Variants in ATP2B2 observed in about 807,000 individuals in gnomAD.
ATP2B2 encodes the protein plasma membrane calcium-transporting ATPase 2.
In ATP2B2, 15 loss-of-function variants were observed where a neutral mutation model predicts 120.0. That is an observed-to-expected ratio of 0.12 (90% CI 0.08 to 0.19). The LOEUF (loss-of-function observed/expected upper bound fraction) is 0.19, where lower values mean the gene tolerates loss of function less well. ATP2B2 is among the 10% of genes least tolerant of loss of function. The pLI is 1.00. For missense variants in ATP2B2, 1,045 were observed against 1,719.8 expected (o/e 0.61, Z 6.94); for synonymous variants, 694 against 700.3 (o/e 0.99, Z 0.14).
chr3:10,696,830 T>C (rs188635520), intron 1 of ATP2B2, among the ~76,000 whole-genome samples: 1 of 152,282 alleles, frequency 6.6e-6, no homozygotes, highest in East Asian at 1.9e-4. Context: ...GTGGAGGTGG[T>C]AACCAAGATA....
chr3:10,476,984 T>A (rs1201035241), intron 1 of ATP2B2, among the ~76,000 whole-genome samples: 1 of 152,192 alleles, frequency 6.6e-6, no homozygotes, highest in Non-Finnish European at 1.5e-5. Flanking sequence ...TAGAAGCCAC[T>A]CAAAGTCACT....
At chr3:10,357,211 C>T (rs1257248635) in intron 14 of ATP2B2, among the ~76,000 whole-genome samples, 2 of 152,112 alleles carry the variant, frequency 1.3e-5, no homozygotes, top group African/African-American at 4.8e-5. Context: ...AGATACTCTG[C>T]TTGTTGCTCG....
At chr3:10,660,835 G>A (rs1373260865) in intron 1 of ATP2B2, among the ~76,000 whole-genome samples, 1 of 152,170 alleles carries the variant, frequency 6.6e-6, no homozygotes, top group African/African-American at 2.4e-5. Context: ...GAACATTGAT[G>A]CAAAAATCCT....
In ATP2B2 at chr3:10,368,115, G is replaced by A. The variant is rs188035382; in HGVS notation, c.1659+3694C>T. On this transcript the variant is annotated intron_variant, in intron 12 of 22. Coordinates refer to ENST00000360273, the MANE Select transcript of ATP2B2 (RefSeq NM_001001331.4). ...CTTCCCATTTCTCAGAGTAAACTGA[G>A]GGGGCTGAACTAGGTGGTCTCTACG... Among the ~76,000 whole-genome samples, 358 of 152,340 alleles carry A rather than the reference G, an allele frequency of 2.4e-3. 2 individuals are homozygous for A. Among genetic ancestry groups the A allele is most frequent in the Admixed American group, 0.014 (211 of 15,312 alleles).
chr3:10,341,592 T>G (rs2060279845), intron 19 of ATP2B2, among the ~76,000 whole-genome samples: 1 of 152,212 alleles, frequency 6.6e-6, no homozygotes, highest in Admixed American at 6.5e-5. Flanking sequence ...ATTACAGGCA[T>G]GAGCCACTGC....
chr3:10,484,354 C>T (rs1202855954), intron 1 of ATP2B2, among the ~76,000 whole-genome samples: 1 of 152,124 alleles, frequency 6.6e-6, no homozygotes, highest in Non-Finnish European at 1.5e-5. Flanking sequence ...CTCCCGTGGG[C>T]ACAGGCTCCT....
At chr3:10,701,866 G>C (rs916411181) in intron 1 of ATP2B2, among the ~76,000 whole-genome samples, 3 of 151,964 alleles carry the variant, frequency 2.0e-5, no homozygotes, top group African/African-American at 7.3e-5. Context: ...GCCTACGTCT[G>C]AGCATACAAA....
At chr3:10,532,199 G>T (rs1200798714) in intron 3 of ATP2B2, among the ~76,000 whole-genome samples, 1 of 152,124 alleles carries the variant, frequency 6.6e-6, no homozygotes, top group Non-Finnish European at 1.5e-5. Flanking sequence ...CTTGGGCCCT[G>T]TTCATCCCTC....
chr3:10,331,269 G>T (rs552610871), intron 22 of ATP2B2, among the ~76,000 whole-genome samples: 1 of 152,194 alleles, frequency 6.6e-6, no homozygotes, highest in Non-Finnish European at 1.5e-5. Flanking sequence ...AAAGTGAGCC[G>T]TTACACCTTG....
At chr3:10,492,762 A>C (rs1331078626) in intron 1 of ATP2B2, among the ~76,000 whole-genome samples, 3 of 152,088 alleles carry the variant, frequency 2.0e-5, no homozygotes, top group Non-Finnish European at 4.4e-5. Context: ...CAACCTCTCC[A>C]CTGTCATTTC....
At chr3:10,350,675 T>A in intron 14 of ATP2B2, 98 bp from the exon 15 acceptor site, 1 of 1,324,392 alleles carries the variant, frequency 7.6e-7, no homozygotes, top group Non-Finnish European at 1.1e-6. Context: ...CAGGCAGCTC[T>A]ACTGAAAGGG....
chr3:10,629,075 C>T (rs2069789480), intron 1 of ATP2B2, among the ~76,000 whole-genome samples: 1 of 152,194 alleles, frequency 6.6e-6, no homozygotes, highest in Non-Finnish European at 1.5e-5. Context: ...GCCGGGCCTT[C>T]TGGGCTGAGG....
chr3:10,470,038 G>A (rs2125275518), intron 1 of ATP2B2, among the ~76,000 whole-genome samples: 1 of 152,258 alleles, frequency 6.6e-6, no homozygotes, highest in East Asian at 1.9e-4. Context: ...GCAGATCTCA[G>A]CGCTGGGCAG....
At chr3:10,439,141 T>C (rs1473180719) in intron 2 of ATP2B2, among the ~76,000 whole-genome samples, 3 of 152,288 alleles carry the variant, frequency 2.0e-5, no homozygotes, top group African/African-American at 7.2e-5. Context: ...AATTTTCAAG[T>C]GAAGAGAGGC....
intron 1 of ATP2B2, among the ~76,000 whole-genome samples, chr3:10,695,603 T>A (rs1027302739): frequency 6.6e-6 from 1 of 152,082 alleles, no homozygotes; most frequent in Non-Finnish European, 1.5e-5. Flanking sequence ...TTGTCACAAC[T>A]GAGGTCATCC....
At chr3:10,562,332 G>A (rs2067920888) in intron 2 of ATP2B2, among the ~76,000 whole-genome samples, 1 of 152,202 alleles carries the variant, frequency 6.6e-6, no homozygotes, top group African/African-American at 2.4e-5. Context: ...GTAGCTTGGT[G>A]TGGCTGAAGA....
At chr3:10,583,210 C>T (rs1055551965) in intron 2 of ATP2B2, among the ~76,000 whole-genome samples, 63 of 152,232 alleles carry the variant, frequency 4.1e-4, no homozygotes, top group African/African-American at 1.5e-3. Context: ...TTGGCTCTGA[C>T]ACCTAGAAGT....
chr3:10,486,595 T>C (rs1476486292), intron 1 of ATP2B2, among the ~76,000 whole-genome samples: 1 of 152,096 alleles, frequency 6.6e-6, no homozygotes, highest in Non-Finnish European at 1.5e-5. Context: ...CTTCCCCAGA[T>C]GGTGGCATCT....
rs560491496 is a variant in ATP2B2 at position 10,473,810 on chromosome 3, C to T, written c.-319-23948G>A. ...GCTTTTAGTAACTCAAAGAAGGCCA[C>T]GTGGCTGGGGCTTGTGATGAGAGAG... On this transcript the variant is annotated intron_variant, in intron 1 of 22. Coordinates refer to ENST00000360273, the MANE Select transcript of ATP2B2 (RefSeq NM_001001331.4). Among the ~76,000 whole-genome samples, 14 of 152,240 alleles carry T rather than the reference C, an allele frequency of 9.2e-5. No individual in the cohort carries two copies. In the East Asian group the frequency reaches 2.3e-3, roughly 25 times the overall value.
Sources: allele counts gnomAD v4.1 joint callset (sites outside exome capture counted in the v4.1 genomes callset), GRCh38; gene constraint gnomAD v4.1.1; transcripts MANE v1.5; gene names NCBI Gene and HGNC (gene_info 2026-07-23, HGNC 2026-07-21).